Variants in RANBP2 observed in about 807,000 individuals in gnomAD.
RANBP2 encodes the protein E3 SUMO-protein ligase RanBP2.
Under a neutral mutation model 303.6 loss-of-function variants are expected in RANBP2, and 57 were observed. The observed-to-expected ratio is 0.19, with a 90% CI of 0.15 to 0.23. The LOEUF (loss-of-function observed/expected upper bound fraction) is 0.23, where lower values mean the gene tolerates loss of function less well. Ranked by LOEUF, RANBP2 falls within the 10% of genes least tolerant of loss-of-function variation. RANBP2 has a pLI of 1.00. For missense variants in RANBP2, 3,138 were observed against 3,780.8 expected, an observed-to-expected ratio of 0.83 and a Z score of 4.46; for synonymous variants, 1,167 against 1,301.5, an observed-to-expected ratio of 0.90 and a Z score of 2.23.
chr2:109,215,221 C>A, the RANBP2 span, among the ~76,000 whole-genome samples: 2 of 152,104 alleles, frequency 1.3e-5, no homozygotes, highest in Non-Finnish European at 2.9e-5. Context: ...TGGTCCCTGC[C>A]CCCTTACTAA....
chr2:109,068,789 T>C, the RANBP2 span, among the ~76,000 whole-genome samples: 1 of 152,198 alleles, frequency 6.6e-6, no homozygotes, highest in African/African-American at 2.4e-5. Context: ...CCATTTGTTT[T>C]CCTCCTCATC....
At chr2:108,924,950 TCTG>T in the RANBP2 span, among the ~76,000 whole-genome samples, 4 of 152,236 alleles carry the variant, frequency 2.6e-5, no homozygotes, top group Admixed American at 2.0e-4. Context: ...CGCTGACACT[TCTG>T]AGAAACATCT....
chr2:108,932,984 G>A, the RANBP2 span, among the ~76,000 whole-genome samples: 1 of 152,138 alleles, frequency 6.6e-6, no homozygotes, highest in Non-Finnish European at 1.5e-5. Context: ...CCTCGCTCCC[G>A]TAGGAAGAGG....
chr2:109,185,420 C>T, the RANBP2 span, among the ~76,000 whole-genome samples: 1 of 152,208 alleles, frequency 6.6e-6, no homozygotes, highest in African/African-American at 2.4e-5. Flanking sequence ...AAAATTCTTA[C>T]TTTAAATCCT....
At chr2:108,724,839 C>T (rs955590432) in intron 1 of RANBP2, among the ~76,000 whole-genome samples, 1 of 151,446 alleles carries the variant, frequency 6.6e-6, no homozygotes, top group Non-Finnish European at 1.5e-5. Context: ...GTTGGGACTC[C>T]ACAGATTTGG....
the RANBP2 span, among the ~76,000 whole-genome samples, chr2:109,292,106 G>T: frequency 6.6e-6 from 1 of 152,154 alleles, no homozygotes; most frequent in Non-Finnish European, 1.5e-5. Context: ...CTCGTGATCT[G>T]CCCGCCTCAG....
the RANBP2 span, among the ~76,000 whole-genome samples, chr2:109,217,605 C>A: frequency 2.0e-5 from 3 of 152,234 alleles, no homozygotes; most frequent in Non-Finnish European, 4.4e-5. Context: ...GTGTTATAAA[C>A]AGAATCAGTC....
the RANBP2 span, among the ~76,000 whole-genome samples, chr2:109,059,643 T>C: frequency 8.6e-5 from 13 of 151,376 alleles, no homozygotes; most frequent in Admixed American, 8.5e-4. Flanking sequence ...TCCTGCCAAC[T>C]CCAGCCACCA....
In RANBP2 at chr2:108,756,606, A is replaced by G. The variant is rs567856916; in HGVS notation, c.2466+1347A>G. Among the ~76,000 whole-genome samples, 3 of 152,346 alleles carry G rather than the reference A, an allele frequency of 2.0e-5. No homozygotes were observed. The South Asian group carries it at 6.2e-4, about 32-fold the overall frequency. ...TGTGTAGTCATGGCCTATGACAATT[A>G]CATACAATTTTGACTTAACATACAG... On this transcript the variant is annotated intron_variant, in intron 17 of 28. Coordinates refer to ENST00000283195, the MANE Select transcript of RANBP2 (RefSeq NM_006267.5).
At chr2:109,704,175 A>G in the RANBP2 span, among the ~76,000 whole-genome samples, 5 of 152,138 alleles carry the variant, frequency 3.3e-5, no homozygotes, top group Admixed American at 2.6e-4. Context: ...TGAGCCTTGA[A>G]CAGAGCTGCT....
the RANBP2 span, among the ~76,000 whole-genome samples, chr2:109,546,503 A>C: frequency 6.6e-6 from 1 of 152,134 alleles, no homozygotes; most frequent in African/African-American, 2.4e-5. Context: ...CTTTTCCTAG[A>C]GTTTTTATTT....
chr2:109,301,393 C>CT, the RANBP2 span, among the ~76,000 whole-genome samples: 978 of 151,966 alleles, frequency 6.4e-3, 11 homozygotes, highest in African/African-American at 0.023. Flanking sequence ...CCTTGGGTCT[C>CT]TGTCTGTGTA....
the RANBP2 span, among the ~76,000 whole-genome samples, chr2:109,307,415 G>C: frequency 7.1e-6 from 1 of 141,610 alleles, no homozygotes; most frequent in African/African-American, 2.9e-5. Flanking sequence ...GAGCAGATAA[G>C]ATGCACTTTT....
the RANBP2 span, among the ~76,000 whole-genome samples, chr2:108,939,014 A>G: frequency 6.6e-6 from 1 of 151,980 alleles, no homozygotes; most frequent in East Asian, 1.9e-4. Context: ...TCCTGACCTC[A>G]TGATCTGCCC....
At chr2:109,241,422 A>T in the RANBP2 span, among the ~76,000 whole-genome samples, 6 of 152,362 alleles carry the variant, frequency 3.9e-5, no homozygotes, top group East Asian at 9.6e-4. Flanking sequence ...ATTGGGGGAA[A>T]AAATGGCTGG....
At chr2:109,565,806 G>A in the RANBP2 span, 1 of 1,614,020 alleles carries the variant, frequency 6.2e-7, no homozygotes, top group Non-Finnish European at 8.5e-7. Flanking sequence ...TGACCATCTT[G>A]TTTCCGACTT....
chr2:109,677,559 T>C, the RANBP2 span, among the ~76,000 whole-genome samples: 1 of 152,298 alleles, frequency 6.6e-6, no homozygotes, highest in African/African-American at 2.4e-5. Flanking sequence ...CAGAGGTACT[T>C]TTAAAAGCAA....
chr2:109,537,561 A>AT, the RANBP2 span, among the ~76,000 whole-genome samples: 30,504 of 149,954 alleles, frequency 0.2, 3,615 homozygotes, highest in Non-Finnish European at 0.27. Flanking sequence ...ATGAGTTTGG[A>AT]TTTTTTTTTT....
the RANBP2 span, among the ~76,000 whole-genome samples, chr2:108,903,919 T>C: frequency 2.3e-3 from 349 of 152,162 alleles, 1 homozygote; most frequent in South Asian, 5.6e-3. Flanking sequence ...CACAAAAGCA[T>C]CATCCATAAA....
Sources: gnomAD v4.1 joint callset for allele counts (sites outside exome capture counted in the v4.1 genomes callset) on GRCh38, gnomAD v4.1.1 for gene constraint, MANE v1.5 for transcripts, NCBI Gene and HGNC (gene_info 2026-07-23, HGNC 2026-07-21) for gene names.